PLA2G15: variants seen among roughly 807,000 people sequenced by gnomAD.
PLA2G15 encodes lysosomal phospholipase A and acyltransferase.
Under a neutral mutation model 40.9 loss-of-function variants are expected in PLA2G15, and 20 were observed. The observed-to-expected ratio is 0.49, with a 90% confidence interval of 0.34 to 0.71. The LOEUF is 0.71. PLA2G15 is among the 30% of genes least tolerant of loss of function. The pLI, the probability that PLA2G15 is intolerant of heterozygous loss-of-function variation, is 0.01. For missense variants in PLA2G15, 471 were observed against 541.9 expected, an observed-to-expected ratio of 0.87 and a Z score of 1.30; for synonymous variants, 223 against 228.2, an observed-to-expected ratio of 0.98 and a Z score of 0.21.
chr16:68,249,684 C>A (rs1163991948), intron 2 of PLA2G15, among the ~76,000 whole-genome samples: 1 of 152,082 alleles, frequency 6.6e-6, no homozygotes, highest in Non-Finnish European at 1.5e-5. Context: ...TGCCTACACA[C>A]AATTTTTTTT....
intron 1 of PLA2G15, chr16:68,248,814 G>A: frequency 1.7e-6 from 1 of 590,606 alleles, no homozygotes; most frequent in Non-Finnish European, 2.2e-6. Flanking sequence ...GAAACCATGT[G>A]TAGAGGTGTG....
At chr16:68,247,828 C>T (rs963678080) in intron 1 of PLA2G15, among the ~76,000 whole-genome samples, 6 of 152,230 alleles carry the variant, frequency 3.9e-5, no homozygotes, top group African/African-American at 1.4e-4. Context: ...ACTCAATGAT[C>T]ATGGACCCTA....
chr16:68,249,469 G>A (rs199771486), intron 2 of PLA2G15, 23 bp downstream of exon 2: 27 of 1,611,218 alleles, frequency 1.7e-5, no homozygotes, highest in East Asian at 6.7e-5. Context: ...GCACACAGAG[G>A]GGGGTGCTGC....
Position 68,259,767 on chromosome 16 carries a change from G to A in PLA2G15, c.*110G>A, listed in dbSNP as rs987409593. The A allele has an allele frequency of 6.1e-5, 61 of 996,020 alleles. No individual in the cohort carries two copies. Among genetic ancestry groups the A allele is most frequent in the South Asian group, 5.7e-4 (36 of 63,388 alleles). 61.7% of individuals were successfully genotyped at this position (996,020 alleles called of 1,614,324 possible). ...TTTGTGACTCACCATTCAAGGCCCC[G>A]AGTCTTGGACTGTGAAGCATCTGCC... is the stretch of plus-strand genomic sequence containing the variant. On this transcript the variant is annotated 3_prime_UTR_variant, in exon 6 of 6. Transcript: ENST00000219345. This position sits in a 1 kb window ranked among gnomAD's most constrained non-coding sequence, Gnocchi z 6.5.
Position 68,255,753 on chromosome 16 carries a change from C to T in PLA2G15, c.503-13C>T. ...CCCTTCCCACCTGACCCCTGCCTGG[C>T]TCTGGCCTGCAGATGAAAACGGGCC... On this transcript the variant is annotated splice_polypyrimidine_tract_variant and intron_variant, in intron 4 of 5. Transcript: ENST00000219345. This position sits in a 1 kb window ranked among gnomAD's most constrained non-coding sequence, Gnocchi z 5.9. 2 of 1,611,702 alleles carry T rather than the reference C, an allele frequency of 1.2e-6. No individual in the cohort carries two copies. Among genetic ancestry groups the T allele is most frequent in the Non-Finnish European group, 1.7e-6 (2 of 1,177,742 alleles).
At chr16:68,253,276 C>T in intron 2 of PLA2G15, 2 of 329,876 alleles carry the variant, frequency 6.1e-6, no homozygotes, top group East Asian at 2.0e-4. Context: ...CTCTCCCCAC[C>T]AGCTCCCATC....
At position 68,249,545 on chromosome 16, in the gene PLA2G15, C is replaced by T. The variant is rs2042337195; in HGVS notation, c.284+99C>T. 5 of 1,138,178 alleles carry T rather than the reference C, an allele frequency of 4.4e-6. No individual in the cohort carries two copies. In the African/African-American group the frequency reaches 7.6e-5, roughly 17 times the overall value. 70.5% of individuals were successfully genotyped at this position (1,138,178 alleles called of 1,614,324 possible). On this transcript the variant is annotated intron_variant, in intron 2 of 5. Coordinates refer to ENST00000219345, the MANE Select transcript of PLA2G15 (RefSeq NM_012320.4). The stretch of plus-strand genomic sequence containing the variant: ...CTATCCTCATCTCGAGGTCACTGAC[C>T]TCTCTCCTTCCCCAGGTCCTCGGTC...
intron 5 of PLA2G15, among the ~76,000 whole-genome samples, chr16:68,257,332 TAC>T (rs1430764630): frequency 6.6e-6 from 1 of 152,192 alleles, no homozygotes; most frequent in Non-Finnish European, 1.5e-5. Context: ...GCCTCTAGAC[TAC>T]AGTTTTTTAT....
chr16:68,253,758 C>T (rs1398921627), intron 2 of PLA2G15, among the ~76,000 whole-genome samples: 3 of 149,318 alleles, frequency 2.0e-5, no homozygotes, highest in South Asian at 4.2e-4. Context: ...GGCATGATCA[C>T]GGCTCACTGC....
At chr16:68,257,376 C>T (rs1241544765) in intron 5 of PLA2G15, among the ~76,000 whole-genome samples, 3 of 152,292 alleles carry the variant, frequency 2.0e-5, no homozygotes, top group Middle Eastern at 3.4e-3. Flanking sequence ...GTGGGCAGCA[C>T]GGAGCCTCTG....
chr16:68,259,809 T>G lies in PLA2G15; in HGVS notation c.*152T>G, dbSNP rs1846875403. The G allele has an allele frequency of 1.5e-6, 1 of 668,486 alleles. No homozygotes were observed. Among genetic ancestry groups the G allele is most frequent in the Non-Finnish European group, 2.5e-6 (1 of 396,946 alleles). The allele number at this position is 668,486 out of a possible 1,614,324, so 41.4% of individuals were successfully genotyped here. On this transcript the variant is annotated 3_prime_UTR_variant, in exon 6 of 6. Transcript: ENST00000219345. This position sits in a 1 kb window ranked among gnomAD's most constrained non-coding sequence, Gnocchi z 6.5. ...GCATCTGCCATGGGGAAGTGCTGTT[T>G]GTTATCCTTTCTCTGTGGCAGTGAA...
rs2151208299 is a variant in PLA2G15 at position 68,261,030 on chromosome 16, T to C, written c.*1373T>C. 1 of 152,470 alleles carries C rather than the reference T, an allele frequency of 6.6e-6. No homozygotes were observed. Among genetic ancestry groups the C allele is most frequent in the South Asian group, 2.1e-4 (1 of 4,830 alleles). The allele number at this position is 152,470 out of a possible 1,614,324, so 9.4% of individuals were successfully genotyped here. A position where few individuals can be genotyped will look rare whatever the true frequency, so the allele number is the denominator to read the frequency against. On this transcript the variant is annotated 3_prime_UTR_variant, in exon 6 of 6. Transcript: ENST00000219345. ...CTCTGAGCAGGCTGTATCTGGATTC[T>C]GGCAATAAAAGTACTCTGGATGCTG...
intron 1 of PLA2G15, 54 bp downstream of exon 1, chr16:68,245,607 C>T: frequency 2.0e-6 from 3 of 1,533,206 alleles, no homozygotes; most frequent in Non-Finnish European, 1.8e-6. Flanking sequence ...GGGCCGCGGG[C>T]GGGGCTGCCT....
intron 2 of PLA2G15, chr16:68,254,319 A>ATTTG (rs967879905): frequency 1.4e-5 from 2 of 144,674 alleles, no homozygotes; most frequent in African/African-American, 5.3e-5. Flanking sequence ...ATTTTTATTT[A>ATTTG]TTTATTTATT....
chr16:68,248,190 T>C lies in PLA2G15; in HGVS notation c.128-1100T>C, dbSNP rs757170406. On this transcript the variant is annotated intron_variant, in intron 1 of 5. Coordinates refer to ENST00000219345, the MANE Select transcript of PLA2G15 (RefSeq NM_012320.4). ...TAGGCTGGCGGGTGCCAATGTAAGC[T>C]TCTCTCAGCTGTGTTTCTGTTCATT... 9.6e-4 allele frequency: 146 copies of C among 152,382 alleles called. 1 individual carries two copies. The highest frequency in any genetic ancestry group is 3.4e-3 in the Middle Eastern group (1 of 298). 9.4% of individuals were successfully genotyped at this position (152,382 alleles called of 1,614,324 possible). A position where few individuals can be genotyped will look rare whatever the true frequency, so the allele number is the denominator to read the frequency against.
At chr16:68,249,672 C>T (rs2042338189) in intron 2 of PLA2G15, among the ~76,000 whole-genome samples, 1 of 152,154 alleles carries the variant, frequency 6.6e-6, no homozygotes, top group Non-Finnish European at 1.5e-5. Context: ...CCTGGCCTCT[C>T]ATGCCTACAC....
intron 5 of PLA2G15, chr16:68,256,352 T>A (rs1201903287): frequency 1.1e-5 from 2 of 184,690 alleles, no homozygotes; most frequent in Non-Finnish European, 2.2e-5. Context: ...GCTGTTTTGA[T>A]TTATGGTTAA....
rs1311695425 is a variant in PLA2G15 at position 68,255,282 on chromosome 16, G to T, written c.404G>T (p.Gly135Val). ...EFLDPSKSSV[G>V]SYFHTMVESL... ...TTATCCTCTGTATTTCTGTCTACAGGTTCCTATTTCCACACCATGGTGGAG... is the reference window on the plus strand; with the variant it reads ...TTATCCTCTGTATTTCTGTCTACAGTTTCCTATTTCCACACCATGGTGGAG... The change falls in exon 4 of 6, where the codon GGT (glycine) becomes GTT (valine). Residue 135 changes from glycine to valine, a missense_variant and splice_region_variant. Physicochemically the swap from Gly to Val is moderately radical, Grantham distance 109. Coordinates refer to ENST00000219345, the MANE Select transcript of PLA2G15 (RefSeq NM_012320.4). The surrounding 1 kb of genome is among the most constrained non-coding windows in gnomAD (Gnocchi z 5.9). 4 of 1,609,406 alleles carry T rather than the reference G, an allele frequency of 2.5e-6. No homozygotes were observed. Among genetic ancestry groups the T allele is most frequent in the Non-Finnish European group, 3.4e-6 (4 of 1,175,978 alleles).
Position 68,245,447 on chromosome 16 carries a change from C to G in PLA2G15, c.21C>G (p.Pro7=). The change falls in exon 1 of 6, where the codon CCC becomes CCG. Residue 7 remains proline, a synonymous_variant. Coordinates refer to ENST00000219345, the MANE Select transcript of PLA2G15 (RefSeq NM_012320.4). MGLHLR[P]YRVGLLPDGL... is the part of the protein sequence containing the mutation. ...ACACCATGGGCCTCCACCTCCGCCC[C>G]TACCGTGTGGGGCTGCTCCCGGATG... 1 of 1,605,682 alleles carries G rather than the reference C, an allele frequency of 6.2e-7. No individual in the cohort carries two copies. The highest frequency in any genetic ancestry group is 8.5e-7 in the Non-Finnish European group (1 of 1,179,772).
Sources: allele counts gnomAD v4.1 joint callset (sites outside exome capture counted in the v4.1 genomes callset), GRCh38; gene constraint gnomAD v4.1.1; non-coding constraint Gnocchi (gnomAD v3.1); transcripts MANE v1.5; gene names NCBI Gene and HGNC (gene_info 2026-07-23, HGNC 2026-07-21).